ATP8A2: variants seen among roughly 807,000 people sequenced by gnomAD.
ATP8A2 encodes the protein ATPase phospholipid transporting 8A2.
Under a neutral mutation model 165.6 loss-of-function variants are expected in ATP8A2, and 100 were observed. That is an observed-to-expected ratio of 0.60 (90% CI 0.51 to 0.71). The LOEUF is 0.71. ATP8A2 is among the 30% of genes least tolerant of loss of function. ATP8A2 has a pLI of 0.00. For synonymous variants in ATP8A2, 543 were observed against 548.8 expected, an observed-to-expected ratio of 0.99 and a Z score of 0.15; for missense variants, 1,227 against 1,479.5, an observed-to-expected ratio of 0.83 and a Z score of 2.80.
At chr13:25,603,036 C>T (rs2040428408) in intron 24 of ATP8A2, among the ~76,000 whole-genome samples, 1 of 152,084 alleles carries the variant, frequency 6.6e-6, no homozygotes, top group Non-Finnish European at 1.5e-5. Context: ...CGTGCCACTG[C>T]ACTCCAGCCT....
Position 25,621,122 on chromosome 13 carries a change from G to A in ATP8A2, c.2211+31423G>A, listed in dbSNP as rs147767366. On this transcript the variant is annotated intron_variant, in intron 24 of 36. Transcript: ENST00000381655. The stretch of plus-strand genomic sequence containing the variant: ...TTCCTCACTAGACTCTGCATTCCCA[G>A]GGAAGTCATCTTATCCTAGGTACCT... Among the ~76,000 whole-genome samples, 50 of 152,270 alleles carry A rather than the reference G, an allele frequency of 3.3e-4. 1 individual carries two copies. The East Asian group carries it at 7.5e-3, about 23-fold the overall frequency.
intron 35 of ATP8A2, among the ~76,000 whole-genome samples, chr13:25,975,789 C>A (rs1956022566): frequency 1.3e-5 from 2 of 152,120 alleles, no homozygotes; most frequent in South Asian, 4.1e-4. Flanking sequence ...CGACAGTCCA[C>A]CTATGCTTTA....
chr13:25,653,544 C>A (rs1211649152), intron 24 of ATP8A2, among the ~76,000 whole-genome samples: 1 of 152,102 alleles, frequency 6.6e-6, no homozygotes, highest in Non-Finnish European at 1.5e-5. Context: ...GTATAAGAAA[C>A]CCCCATGACT....
intron 35 of ATP8A2, among the ~76,000 whole-genome samples, chr13:25,980,982 AT>A (rs1342759028): frequency 6.6e-6 from 1 of 152,240 alleles, no homozygotes; most frequent in African/African-American, 2.4e-5. Flanking sequence ...AAATTAAGAC[AT>A]TTATTGTTCT....
intron 24 of ATP8A2, among the ~76,000 whole-genome samples, chr13:25,631,935 C>G (rs2041250515): frequency 6.6e-6 from 1 of 152,122 alleles, no homozygotes; most frequent in Non-Finnish European, 1.5e-5. Flanking sequence ...TACAATTTAA[C>G]TCAGTTGGAG....
chr13:25,799,829 C>G (rs750405329), intron 27 of ATP8A2, among the ~76,000 whole-genome samples: 2 of 152,220 alleles, frequency 1.3e-5, no homozygotes, highest in African/African-American at 2.4e-5. Context: ...AATCTTTTCT[C>G]TTTCAACCCA....
At chr13:25,811,981 A>G (rs1950884716) in intron 27 of ATP8A2, among the ~76,000 whole-genome samples, 1 of 152,186 alleles carries the variant, frequency 6.6e-6, no homozygotes, top group South Asian at 2.1e-4. Context: ...CTGTTTCAAC[A>G]GGTGAGGATT....
intron 35 of ATP8A2, among the ~76,000 whole-genome samples, chr13:26,011,508 T>A (rs1956847954): frequency 6.6e-6 from 1 of 152,180 alleles, no homozygotes; most frequent in Admixed American, 6.5e-5. Flanking sequence ...GGGACACCAT[T>A]CAGCCCATAA....
At chr13:25,829,706 ATATATATATATAT>A (rs1298744659) in intron 28 of ATP8A2, among the ~76,000 whole-genome samples, 1 of 77,954 alleles carries the variant, frequency 1.3e-5, no homozygotes, top group African/African-American at 4.7e-5. Context: ...ATATATATAT[ATATATATATATAT>A]ATCACCTGCT....
At chr13:25,765,177 T>C (rs1177109940) in intron 25 of ATP8A2, among the ~76,000 whole-genome samples, 1 of 152,246 alleles carries the variant, frequency 6.6e-6, no homozygotes, top group African/African-American at 2.4e-5. Flanking sequence ...TTATTTTTCA[T>C]TTTAGAATCT....
At chr13:25,748,797 G>C (rs2044092878) in intron 25 of ATP8A2, among the ~76,000 whole-genome samples, 1 of 152,190 alleles carries the variant, frequency 6.6e-6, no homozygotes. Flanking sequence ...CATTTGGGAA[G>C]GGGCCTGTTT....
At chr13:25,736,971 G>A (rs920422653) in intron 25 of ATP8A2, among the ~76,000 whole-genome samples, 1 of 152,186 alleles carries the variant, frequency 6.6e-6, no homozygotes, top group Non-Finnish European at 1.5e-5. Flanking sequence ...GGGTGCATGT[G>A]TTGAAGTCAA....
intron 30 of ATP8A2, among the ~76,000 whole-genome samples, chr13:25,849,506 T>C (rs780205837): frequency 6.6e-6 from 1 of 152,234 alleles, no homozygotes. Flanking sequence ...ATAAGTTCCT[T>C]GATCATTTTG....
intron 33 of ATP8A2, among the ~76,000 whole-genome samples, chr13:25,943,346 G>A (rs186316133): frequency 2.5e-4 from 38 of 152,290 alleles, no homozygotes; most frequent in African/African-American, 9.1e-4. Flanking sequence ...TCAGTCAACA[G>A]CAGACCACAC....
At chr13:25,695,248 T>C (rs542893734) in intron 24 of ATP8A2, among the ~76,000 whole-genome samples, 1 of 152,322 alleles carries the variant, frequency 6.6e-6, no homozygotes, top group South Asian at 2.1e-4. Flanking sequence ...TGCCTTAATT[T>C]AAAAATACTT....
At chr13:25,394,153 G>A (rs1001471686) in intron 1 of ATP8A2, among the ~76,000 whole-genome samples, 6 of 151,766 alleles carry the variant, frequency 4.0e-5, no homozygotes, top group Admixed American at 1.3e-4. Context: ...TCTGATGGAT[G>A]GTTTCAGTAT....
At chr13:25,514,831 G>A (rs568751675) in intron 2 of ATP8A2, among the ~76,000 whole-genome samples, 3 of 152,196 alleles carry the variant, frequency 2.0e-5, no homozygotes, top group African/African-American at 7.2e-5. Flanking sequence ...TTCCCCTCCT[G>A]TCCACAGGCT....
At chr13:25,502,662 T>G (rs1593412377) in intron 2 of ATP8A2, among the ~76,000 whole-genome samples, 1 of 152,178 alleles carries the variant, frequency 6.6e-6, no homozygotes, top group African/African-American at 2.4e-5. Flanking sequence ...TGGTAGCGGG[T>G]GGATCCTCTA....
At chr13:25,671,169 A>G (rs2042254962) in intron 24 of ATP8A2, among the ~76,000 whole-genome samples, 1 of 152,186 alleles carries the variant, frequency 6.6e-6, no homozygotes, top group Admixed American at 6.5e-5. Context: ...AATTGTTAAG[A>G]TTTCATGGAC....
Sources: gnomAD v4.1 joint callset for allele counts (sites outside exome capture counted in the v4.1 genomes callset) on GRCh38, gnomAD v4.1.1 for gene constraint, MANE v1.5 for transcripts, NCBI Gene and HGNC (gene_info 2026-07-23, HGNC 2026-07-21) for gene names.